SMYD5: variants seen among roughly 807,000 people sequenced by gnomAD.
The protein encoded by SMYD5 is protein-lysine N-trimethyltransferase SMYD5.
A neutral mutation model predicts 57.4 loss-of-function variants in SMYD5; 35 were observed. The observed-to-expected ratio is 0.61, with a 90% CI of 0.47 to 0.81. The LOEUF (loss-of-function observed/expected upper bound fraction) is 0.81, where lower values mean the gene tolerates loss of function less well. Among genes scored for constraint, SMYD5 ranks in the 30% least tolerant of loss-of-function variants. The pLI, the probability that SMYD5 is intolerant of heterozygous loss-of-function variation, is 0.00. For missense variants in SMYD5, 471 were observed against 527.9 expected, an observed-to-expected ratio of 0.89 and a Z score of 1.06; for synonymous variants, 198 against 189.7, an observed-to-expected ratio of 1.04 and a Z score of -0.36.
At chr2:73,215,648 C>T (rs1686281569) in intron 1 of SMYD5, among the ~76,000 whole-genome samples, 1 of 152,184 alleles carries the variant, frequency 6.6e-6, no homozygotes, top group South Asian at 2.1e-4. Context: ...AGCCCCCAGT[C>T]TCTCAGCCCC....
intron 2 of SMYD5, 137 bp from the exon 3 acceptor site, chr2:73,219,914 T>C (rs1409133404): frequency 1.0e-6 from 1 of 1,003,288 alleles, no homozygotes; most frequent in Non-Finnish European, 1.6e-6. Context: ...CATGTAATTA[T>C]TCATTTACTC....
In SMYD5 at chr2:73,226,601, G is replaced by A. The variant is rs544546194; in HGVS notation, c.*655G>A. 10 of 153,312 alleles carry A rather than the reference G, an allele frequency of 6.5e-5. No individual in the cohort carries two copies. The highest frequency in any genetic ancestry group is 3.9e-4 in the Admixed American group (6 of 15,424). The allele number at this position is 153,312 out of a possible 1,614,324, so 9.5% of individuals were successfully genotyped here. On this transcript the variant is annotated 3_prime_UTR_variant, in exon 13 of 13. Coordinates refer to ENST00000389501, the MANE Select transcript of SMYD5 (RefSeq NM_006062.3). ...GGAGATTAACCCCTCCCCCAGACTC[G>A]TGCCTTGCCTCTCAGGACCTGGCAC...
rs948408858 is a variant in SMYD5 at position 73,220,857 on chromosome 2, C to T, written c.467+75C>T. 23 of 1,542,196 alleles carry T rather than the reference C, an allele frequency of 1.5e-5. No individual in the cohort carries two copies. In the African/African-American group the frequency reaches 1.7e-4, roughly 11 times the overall value. On this transcript the variant is annotated intron_variant, in intron 4 of 12. Coordinates refer to ENST00000389501, the MANE Select transcript of SMYD5 (RefSeq NM_006062.3). The stretch of plus-strand genomic sequence containing the variant: ...CCTGCCTGGGCTCATCAGGTGTTGC[C>T]GTCTTTCTTAAGTTCCAATTCCCCG...
chr2:73,223,187 G>A, intron 8 of SMYD5, 81 bp downstream of exon 8: 1 of 1,177,702 alleles, frequency 8.5e-7, no homozygotes, highest in East Asian at 2.3e-5. Context: ...TTCAAGACTG[G>A]GATGGGGTAG....
chr2:73,221,432 CTTTTTTTT>C (rs57627686), intron 5 of SMYD5, among the ~76,000 whole-genome samples, 198 bp downstream of exon 5: 3 of 128,496 alleles, frequency 2.3e-5, no homozygotes, highest in Admixed American at 7.9e-5. Context: ...TGCCTGTAGT[CTTTTTTTT>C]TTTTTTTTTT....
At position 73,226,235 on chromosome 2, in the gene SMYD5, C is replaced by T. The variant is rs898782731; in HGVS notation, c.*289C>T. On this transcript the variant is annotated 3_prime_UTR_variant, in exon 13 of 13. Transcript: ENST00000389501. ...ACTCTAGGGTTTGAGGGGCTGGAAT[C>T]AGGGCCAGGGCCTAACAGTGTTTCT... is the stretch of plus-strand genomic sequence containing the variant. 1 of 445,034 alleles carries T rather than the reference C, an allele frequency of 2.2e-6. No individual in the cohort carries two copies. Among genetic ancestry groups the T allele is most frequent in the African/African-American group, 2.0e-5 (1 of 51,232 alleles). The allele number at this position is 445,034 out of a possible 1,614,324, so 27.6% of individuals were successfully genotyped here. A position where few individuals can be genotyped will look rare whatever the true frequency, so the allele number is the denominator to read the frequency against.
intron 3 of SMYD5, 39 bp from the exon 4 acceptor site, chr2:73,220,622 G>T: frequency 6.2e-7 from 1 of 1,612,788 alleles, no homozygotes; most frequent in Non-Finnish European, 8.5e-7. Flanking sequence ...TGATTCTAGG[G>T]CCAGATCCTT....
At chr2:73,224,514 G>T (rs1040672563) in intron 10 of SMYD5, among the ~76,000 whole-genome samples, 1 of 152,178 alleles carries the variant, frequency 6.6e-6, no homozygotes, top group African/African-American at 2.4e-5. Context: ...TTCTCAGAGG[G>T]CCTGTGTCAG....
chr2:73,219,535 C>T (rs1001124678), intron 2 of SMYD5, among the ~76,000 whole-genome samples: 6 of 152,164 alleles, frequency 3.9e-5, no homozygotes, highest in Admixed American at 6.5e-5. Flanking sequence ...GCACACACAA[C>T]CATGTCCAGC....
Position 73,224,891 on chromosome 2 carries a change from A to G in SMYD5, c.966A>G (p.Ala322=), listed in dbSNP as rs549162592. The part of the protein sequence containing the change: ...SCCNHSCVPN[A]ETSFPENNFL... ...GCAACCACAGTTGTGTGCCCAATGC[A>G]GAGACCTCCTTTCCAGAAAACAACT... Residue 322 remains alanine (A), a synonymous_variant, in exon 11 of 13, where the codon GCA becomes GCG. Coordinates refer to ENST00000389501, the MANE Select transcript of SMYD5 (RefSeq NM_006062.3). 27 of 1,613,892 alleles carry G rather than the reference A, an allele frequency of 1.7e-5. No individual in the cohort carries two copies. Among genetic ancestry groups the G allele is most frequent in the East Asian group, 2.2e-5 (1 of 44,886 alleles).
intron 9 of SMYD5, 137 bp downstream of exon 9, chr2:73,223,669 G>T: frequency 1.4e-6 from 1 of 714,038 alleles, no homozygotes; most frequent in Non-Finnish European, 2.5e-6. Context: ...GGGAGCTTCA[G>T]ATCTGTCCAC....
chr2:73,219,040 A>T (rs1382814639), intron 2 of SMYD5, 71 bp downstream of exon 2: 1 of 1,093,854 alleles, frequency 9.1e-7, no homozygotes, highest in East Asian at 2.4e-5. Context: ...ATACATCCCT[A>T]CTGGCTGACG....
intron 6 of SMYD5, 66 bp downstream of exon 6, chr2:73,221,996 G>T (rs2103717303): frequency 4.9e-6 from 5 of 1,010,608 alleles, no homozygotes; most frequent in Non-Finnish European, 7.9e-6. Context: ...CTGGCCAGCT[G>T]TGGGGAGCAC....
chr2:73,220,018 C>G (rs771942250), intron 2 of SMYD5, 33 bp from the exon 3 acceptor site: 1 of 1,614,068 alleles, frequency 6.2e-7, no homozygotes, highest in East Asian at 2.2e-5. Context: ...CCTCTGCTCT[C>G]AAGATATTGT....
At chr2:73,225,397 G>T in intron 11 of SMYD5, 1 of 600,642 alleles carries the variant, frequency 1.7e-6, no homozygotes, top group Non-Finnish European at 3.0e-6. Context: ...TTTCACCACG[G>T]CCTGAGGCCA....
Position 73,216,693 on chromosome 2 carries a change from TCAA to T in SMYD5, c.97-2155_97-2153del, listed in dbSNP as rs1159278144. On this transcript the variant is annotated intron_variant, in intron 1 of 12. Transcript: ENST00000389501. ...CTGGGCGACAGAGGGAGACTCCATC[TCAA>T]CAACAACAACAAAAATCTATTACAT... 3.9e-5 allele frequency among the ~76,000 whole-genome samples: 6 copies of T among 152,208 alleles called. No individual in the cohort carries two copies. In the East Asian group the frequency reaches 1.2e-3, roughly 29 times the overall value.
Position 73,223,018 on chromosome 2 carries a change from T to C in SMYD5, c.706-18T>C. On this transcript the variant is annotated intron_variant, in intron 7 of 12. Transcript: ENST00000389501. The stretch of plus-strand genomic sequence containing the variant: ...TCAGTGGCTGTAATGAGCACTCATC[T>C]CTTTTTTCCCCCCACAGTGGTTCAC... The C allele has an allele frequency of 6.2e-7, 1 of 1,611,902 alleles. No individual in the cohort carries two copies.
At chr2:73,220,822 TC>T in intron 4 of SMYD5, 40 bp downstream of exon 4, 1 of 1,607,962 alleles carries the variant, frequency 6.2e-7, no homozygotes, top group Non-Finnish European at 8.5e-7. Context: ...TATCCTTTCC[TC>T]CCTGGTTGCC....
At position 73,221,182 on chromosome 2, in the gene SMYD5, C is replaced by T; in HGVS notation, c.485C>T (p.Pro162Leu). ...TTCCCCAGGAGTATTCACTACCCAC[C>T]TGAGACTGCAAGCATCATGTTGATG... ...QEAWRSIHYPPETASIMLMAR... is the reference protein window; with the variant it reads ...QEAWRSIHYPLETASIMLMAR... Residue 162 changes from proline (P) to leucine (L), a missense_variant, in exon 5 of 13, where the codon CCT becomes CTT. By Grantham distance (98) the Pro-to-Leu change is moderately conservative. Coordinates refer to ENST00000389501, the MANE Select transcript of SMYD5 (RefSeq NM_006062.3). The T allele has an allele frequency of 1.2e-6, 2 of 1,614,054 alleles. No individual in the cohort carries two copies. The highest frequency in any genetic ancestry group is 1.7e-6 in the Non-Finnish European group (2 of 1,179,998).
Sources: gnomAD v4.1 joint callset for allele counts (sites outside exome capture counted in the v4.1 genomes callset) on GRCh38, gnomAD v4.1.1 for gene constraint, MANE v1.5 for transcripts, NCBI Gene and HGNC (gene_info 2026-07-23, HGNC 2026-07-21) for gene names.